The following APP variants were observed in gnomAD, a reference collection of about 807,000 sequenced individuals.
The protein encoded by APP is amyloid beta precursor protein.
A neutral mutation model predicts 101.4 loss-of-function variants in APP; 31 were observed. The observed-to-expected ratio is 0.31, with a 90% CI of 0.23 to 0.41. The LOEUF is 0.41. APP is among the 10% of genes least tolerant of loss of function. APP has a pLI of 1.00. For missense variants in APP, 839 were observed against 1,003.7 expected (o/e 0.84, Z 2.22); for synonymous variants, 366 against 364.4 (o/e 1.00, Z -0.05).
chr21:26,044,633 T>C lies in APP; in HGVS notation c.662+6367A>G, dbSNP rs141196598. Among the ~76,000 whole-genome samples the C allele has an allele frequency of 3.8e-3, 571 of 152,218 alleles. 5 individuals are homozygous for C. Among genetic ancestry groups the C allele is most frequent in the African/African-American group, 0.013 (543 of 41,542 alleles). On this transcript the variant is annotated intron_variant, in intron 5 of 17. Transcript: ENST00000346798. ...TGGCTCACTGCAACCTCTGCCTCCC[T>C]GGTTCAATTGATTCTCCTGCCTCAG...
At chr21:25,987,663 G>C (rs1169894011) in intron 8 of APP, among the ~76,000 whole-genome samples, 4 of 152,172 alleles carry the variant, frequency 2.6e-5, no homozygotes, top group South Asian at 4.2e-4. Context: ...TGGCATTTTG[G>C]ATGACTAACG....
intron 3 of APP, among the ~76,000 whole-genome samples, chr21:26,066,731 G>A (rs1260008094): frequency 7.3e-6 from 1 of 137,716 alleles, no homozygotes; most frequent in Admixed American, 7.4e-5. Flanking sequence ...TAAGGACTGA[G>A]CGCCTTTTCA....
At position 25,999,995 on chromosome 21, in the gene APP, T is replaced by G. The variant is rs1475526506; in HGVS notation, c.1033+20A>C. 2.5e-6 allele frequency: 4 copies of G among 1,613,396 alleles called. No homozygotes were observed. The African/African-American group carries it at 4.0e-5, about 16-fold the overall frequency. On this transcript the variant is annotated intron_variant, in intron 7 of 17. Coordinates refer to ENST00000346798, the MANE Select transcript of APP (RefSeq NM_000484.4). ...CGAGAGAGACGAAAGGTGGCCAGGC[T>G]CGAAGAAGGGTCCACTTACTGGCGC... is the stretch of plus-strand genomic sequence containing the variant.
chr21:25,933,415 G>A (rs1407116411), intron 13 of APP, among the ~76,000 whole-genome samples: 4 of 152,186 alleles, frequency 2.6e-5, no homozygotes, highest in South Asian at 4.2e-4. Flanking sequence ...TCTTCTTTAC[G>A]CTAGAAACTT....
intron 1 of APP, among the ~76,000 whole-genome samples, chr21:26,134,952 GGT>G (rs2146286635): frequency 6.6e-6 from 1 of 152,214 alleles, no homozygotes; most frequent in South Asian, 2.1e-4. Flanking sequence ...AAATATCCAA[GGT>G]ATCCACATAA....
Position 25,955,684 on chromosome 21 carries a change from C to G in APP, c.1530G>C (p.Lys510Asn), listed in dbSNP as rs767201930. 53 of 1,614,172 alleles carry G rather than the reference C, an allele frequency of 3.3e-5. 1 individual carries two copies. The East Asian group carries it at 1.2e-3, about 35-fold the overall frequency. Reference protein sequence around the residue: ...AEQKDRQHTLKHFEHVRMVDP... With the variant: ...AEQKDRQHTLNHFEHVRMVDP... Reference sequence around the variant, plus strand: ...CCACCATGCGCACATGCTCGAAATGCTTTAGGGTGTGCTGTCTGTCCTTCT... The same window carrying G: ...CCACCATGCGCACATGCTCGAAATGGTTTAGGGTGTGCTGTCTGTCCTTCT... The change falls in exon 12 of 18, where the codon AAG (lysine) becomes AAC (asparagine). Residue 510 changes from lysine to asparagine, a missense_variant. Lys to Asn is a moderately conservative substitution (Grantham distance 94). Transcript: ENST00000346798.
intron 4 of APP, 49 bp downstream of exon 4, chr21:26,053,187 C>T (rs200255732): frequency 1.5e-6 from 2 of 1,370,858 alleles, no homozygotes; most frequent in Non-Finnish European, 2.1e-6. Context: ...TTAAGCACGT[C>T]CCCAGGAAAT....
intron 1 of APP, among the ~76,000 whole-genome samples, chr21:26,152,642 T>G (rs2063301283): frequency 6.6e-6 from 1 of 152,226 alleles, no homozygotes; most frequent in Admixed American, 6.5e-5. Flanking sequence ...AATGTAATTC[T>G]TTCCCAATTC....
chr21:25,918,932 A>G (rs1009403702), intron 13 of APP, among the ~76,000 whole-genome samples: 91 of 138,848 alleles, frequency 6.6e-4, no homozygotes, highest in African/African-American at 1.9e-3. Flanking sequence ...GGGGCAGGGC[A>G]CAGACAAACA....
chr21:25,905,533 G>A (rs2038743452), intron 14 of APP, among the ~76,000 whole-genome samples: 1 of 152,174 alleles, frequency 6.6e-6, no homozygotes, highest in South Asian at 2.1e-4. Context: ...ATTTCCAGGG[G>A]AAGTGCAAAT....
rs115906173 is a variant in APP, at chr21:26,026,702, G to A, written c.663-4660C>T. Among the ~76,000 whole-genome samples the A allele has an allele frequency of 3.3e-3, 504 of 152,312 alleles. 9 individuals carry two copies. Among genetic ancestry groups the A allele is most frequent in the African/African-American group, 0.01 (424 of 41,570 alleles). The stretch of plus-strand genomic sequence containing the variant: ...GCTTGGAAAGGTTAAAGGCAAGAGA[G>A]GGTCGAACAGGAGGAACACAGAGGA... On this transcript the variant is annotated intron_variant, in intron 5 of 17. Transcript: ENST00000346798.
At chr21:25,976,475 G>C (rs556527988) in intron 9 of APP, among the ~76,000 whole-genome samples, 1 of 152,272 alleles carries the variant, frequency 6.6e-6, no homozygotes, top group Admixed American at 6.5e-5. Flanking sequence ...TTTTATGTGT[G>C]TGTGTGTCAT....
intron 6 of APP, among the ~76,000 whole-genome samples, chr21:26,002,096 T>C (rs964016166): frequency 5.3e-5 from 8 of 152,336 alleles, no homozygotes; most frequent in South Asian, 2.1e-4. Flanking sequence ...GCAGCAGTAC[T>C]GAGTGAGATG....
At chr21:26,123,518 T>C (rs377701016) in intron 1 of APP, among the ~76,000 whole-genome samples, 50 of 152,294 alleles carry the variant, frequency 3.3e-4, no homozygotes, top group Middle Eastern at 3.4e-3. Flanking sequence ...CTGGGTAGAT[T>C]GTCCTTCTTA....
rs34371241 is a variant in APP at position 25,948,004 on chromosome 21, C to CAAA, written c.1687+6583_1687+6585dup. Among the ~76,000 whole-genome samples the CAAA allele has an allele frequency of 9.9e-3, 699 of 70,732 alleles. 19 individuals carry two copies. Among genetic ancestry groups the CAAA allele is most frequent in the African/African-American group, 0.025 (537 of 21,160 alleles). 46.4% of individuals were successfully genotyped at this position (70,732 alleles called of 152,430 possible). A position where few individuals can be genotyped will look rare whatever the true frequency, so the allele number is the denominator to read the frequency against. On this transcript the variant is annotated intron_variant, in intron 13 of 17. Transcript: ENST00000346798. ...TGGGTGACTGAGCAAGACTCCATCT[C>CAAA]AAAAAAAAAAAAAAAAAAAAAGTTC...
chr21:25,955,704 C>G lies in APP; in HGVS notation c.1510G>C (p.Asp504His). The stretch of plus-strand genomic sequence containing the variant: ...AAATGCTTTAGGGTGTGCTGTCTGT[C>G]CTTCTGTTCTGCGCGGACATACTTC... ...LKKYVRAEQKDRQHTLKHFEH... is the reference protein window; with the variant it reads ...LKKYVRAEQKHRQHTLKHFEH... The change falls in exon 12 of 18, where the codon GAC becomes CAC. Residue 504 changes from aspartate to histidine, a missense_variant. By Grantham distance (81) the Asp-to-His change is moderately conservative (BLOSUM62 -1). Coordinates refer to ENST00000346798, the MANE Select transcript of APP (RefSeq NM_000484.4). 6.2e-7 allele frequency: 1 copy of G among 1,614,144 alleles called. No homozygotes were observed.
chr21:26,128,016 C>T (rs2830071), intron 1 of APP, among the ~76,000 whole-genome samples: 24,534 of 152,150 alleles, frequency 0.16, 2,164 homozygotes, highest in Admixed American at 0.24. Context: ...GAGAGGATTT[C>T]CTGCACTAAA....
chr21:25,928,092 C>A (rs996525622), intron 13 of APP, among the ~76,000 whole-genome samples: 1 of 152,108 alleles, frequency 6.6e-6, no homozygotes, highest in Non-Finnish European at 1.5e-5. Flanking sequence ...CGCCTGTAAT[C>A]CCAGCATTTT....
At chr21:25,909,266 CAAAAAA>C (rs35504500) in intron 14 of APP, among the ~76,000 whole-genome samples, 30 of 76,224 alleles carry the variant, frequency 3.9e-4, no homozygotes, top group African/African-American at 1.3e-3. Context: ...GACTCCGTCT[CAAAAAA>C]AAAAAAAAAA....
Sources: allele counts gnomAD v4.1 joint callset (sites outside exome capture counted in the v4.1 genomes callset), GRCh38; gene constraint gnomAD v4.1.1; transcripts MANE v1.5; gene names NCBI Gene and HGNC (gene_info 2026-07-23, HGNC 2026-07-21).